Variants in MPP7 observed in about 807,000 individuals in gnomAD.
MPP7 encodes MAGUK p55 scaffold protein 7.
In MPP7, 60 loss-of-function variants were observed where a neutral mutation model predicts 76.5. That is an observed-to-expected ratio of 0.78 (90% CI 0.64 to 0.97). The LOEUF (loss-of-function observed/expected upper bound fraction) is 0.97. MPP7 is among the 50% of genes least tolerant of loss of function. The pLI is 0.00. For missense variants in MPP7, 641 were observed against 694.0 expected (o/e 0.92, Z 0.86); for synonymous variants, 237 against 244.5 (o/e 0.97, Z 0.29).
intron 11 of MPP7, among the ~76,000 whole-genome samples, chr10:28,093,783 T>A (rs1853432375): frequency 6.6e-6 from 1 of 152,038 alleles, no homozygotes. Flanking sequence ...GAAGAGTTAG[T>A]GAGGAAAAGA....
chr10:28,244,191 C>T (rs1839360138), intron 1 of MPP7, among the ~76,000 whole-genome samples: 1 of 152,182 alleles, frequency 6.6e-6, no homozygotes, highest in Admixed American at 6.5e-5. Context: ...TATATCCTTA[C>T]ATCCTATCTG....
chr10:28,276,654 C>T (rs540134540), intron 1 of MPP7, among the ~76,000 whole-genome samples: 1 of 152,156 alleles, frequency 6.6e-6, no homozygotes, highest in East Asian at 1.9e-4. Context: ...CGTTTGTTTT[C>T]AGGAGCGCAA....
At chr10:28,161,404 C>A (rs577957863) in intron 3 of MPP7, among the ~76,000 whole-genome samples, 2 of 138,838 alleles carry the variant, frequency 1.4e-5, no homozygotes, top group South Asian at 5.3e-4. Context: ...TTATTCCTGG[C>A]AGAGTTATCT....
intron 1 of MPP7, among the ~76,000 whole-genome samples, chr10:28,262,275 A>ACATATATATATATATG (rs1840014464): frequency 4.1e-5 from 1 of 24,668 alleles, no homozygotes; most frequent in Non-Finnish European, 8.1e-5. Context: ...ATATATATAT[A>ACATATATATATATATG]TATTTTTTTT....
chr10:28,328,309 G>A (rs1040378121), intron 2 of MPP7, among the ~76,000 whole-genome samples: 7 of 152,122 alleles, frequency 4.6e-5, no homozygotes, highest in African/African-American at 1.7e-4. Flanking sequence ...TGAATCTCTT[G>A]AAATTGAACA....
intron 13 of MPP7, among the ~76,000 whole-genome samples, chr10:28,064,051 C>T (rs891447956): frequency 3.9e-5 from 6 of 152,056 alleles, no homozygotes; most frequent in Admixed American, 1.3e-4. Flanking sequence ...AAAATTAAAC[C>T]GTATGGCCTC....
chr10:28,102,000 T>C (rs1853848047), intron 11 of MPP7, among the ~76,000 whole-genome samples: 1 of 152,186 alleles, frequency 6.6e-6, no homozygotes, highest in African/African-American at 2.4e-5. Context: ...TGCAAGCATA[T>C]ACATATATAA....
At chr10:28,213,684 CAGGAGGCTG>C (rs1458382738) in intron 2 of MPP7, among the ~76,000 whole-genome samples, 1 of 151,062 alleles carries the variant, frequency 6.6e-6, no homozygotes, top group Non-Finnish European at 1.5e-5. Flanking sequence ...CCCAGCTACT[CAGGAGGCTG>C]AGGCAGGAGA....
intron 13 of MPP7, among the ~76,000 whole-genome samples, chr10:28,063,911 T>C (rs1220484710): frequency 6.6e-6 from 1 of 152,138 alleles, no homozygotes; most frequent in South Asian, 2.1e-4. Context: ...ACTTACTACA[T>C]TGACAAAAGT....
intron 3 of MPP7, among the ~76,000 whole-genome samples, chr10:28,156,921 A>G (rs954979231): frequency 6.6e-6 from 1 of 152,144 alleles, no homozygotes; most frequent in Non-Finnish European, 1.5e-5. Context: ...TTAGAAAAAG[A>G]GTAATCGGCC....
chr10:28,078,878 G>T (rs991854621), intron 12 of MPP7, among the ~76,000 whole-genome samples: 2 of 152,146 alleles, frequency 1.3e-5, no homozygotes, highest in Non-Finnish European at 2.9e-5. Context: ...CCCATTTAAG[G>T]TGTCGATAAA....
At chr10:28,055,929 C>T (rs567673609) in intron 16 of MPP7, among the ~76,000 whole-genome samples, 91 of 152,292 alleles carry the variant, frequency 6.0e-4, no homozygotes, top group African/African-American at 1.9e-3. Context: ...AGAAGTGTAA[C>T]TGTTCAAAAG....
intron 2 of MPP7, among the ~76,000 whole-genome samples, chr10:28,329,187 G>T (rs998926188): frequency 1.3e-5 from 2 of 152,042 alleles, no homozygotes; most frequent in African/African-American, 2.4e-5. Context: ...TTGCTCTAAA[G>T]CATTAAAATA....
At chr10:28,226,483 G>T (rs1456271153) in intron 2 of MPP7, among the ~76,000 whole-genome samples, 2 of 152,104 alleles carry the variant, frequency 1.3e-5, no homozygotes, top group Non-Finnish European at 2.9e-5. Context: ...CTGACCTCAG[G>T]TGATCCACCC....
At chr10:28,250,525 CCCAT>C (rs759329579) in intron 1 of MPP7, among the ~76,000 whole-genome samples, 19 of 152,200 alleles carry the variant, frequency 1.2e-4, no homozygotes, top group Non-Finnish European at 2.8e-4. Context: ...CCACCTCCAA[CCCAT>C]CCTACACAGG....
At chr10:28,117,515 G>GT (rs1171336218) in intron 11 of MPP7, among the ~76,000 whole-genome samples, 6 of 151,988 alleles carry the variant, frequency 3.9e-5, no homozygotes, top group Admixed American at 2.0e-4. Flanking sequence ...GCATGATAAC[G>GT]TAAGTTTCCT....
At chr10:28,292,573 C>T (rs145505159) in intron 1 of MPP7, among the ~76,000 whole-genome samples, 50 of 152,218 alleles carry the variant, frequency 3.3e-4, no homozygotes, top group African/African-American at 1.1e-3. Flanking sequence ...TGCTAGACTC[C>T]ACTCTCTAGA....
chr10:28,226,249 TAA>T (rs1195327580), intron 2 of MPP7, among the ~76,000 whole-genome samples: 1 of 148,336 alleles, frequency 6.7e-6, no homozygotes, highest in East Asian at 2.0e-4. Flanking sequence ...GAGGGACAGG[TAA>T]AGTTAATTTT....
chr10:28,120,530 G>T, intron 9 of MPP7, 64 bp downstream of exon 9: 1 of 1,521,032 alleles, frequency 6.6e-7, no homozygotes. Flanking sequence ...AAGTGGATAT[G>T]TGTTGGATGG....
Sources: gnomAD v4.1 joint callset for allele counts (sites outside exome capture counted in the v4.1 genomes callset) on GRCh38, gnomAD v4.1.1 for gene constraint, MANE v1.5 for transcripts, NCBI Gene and HGNC (gene_info 2026-07-23, HGNC 2026-07-21) for gene names.